Variants in LRMDA observed in about 807,000 individuals in gnomAD.
LRMDA encodes the protein leucine-rich melanocyte differentiation-associated protein.
Under a neutral mutation model 29.8 loss-of-function variants are expected in LRMDA, and 18 were observed. The ratio of observed to expected loss-of-function variants is 0.60; its 90% CI spans 0.42 to 0.90. The LOEUF (loss-of-function observed/expected upper bound fraction) is 0.90, where lower values mean the gene tolerates loss of function less well. Among genes scored for constraint, LRMDA ranks in the 40% least tolerant of loss-of-function variants. The probability of loss-of-function intolerance (pLI) is 0.00; values close to 1 mark genes in which losing one functional copy is unlikely to be tolerated. For synonymous variants in LRMDA, 125 were observed against 109.4 expected (o/e 1.14, Z -0.89); for missense variants, 273 against 273.9 (o/e 1.00, Z 0.02).
At chr10:76,433,512 GT>G (rs1166502600) in intron 6 of LRMDA, among the ~76,000 whole-genome samples, 1 of 152,196 alleles carries the variant, frequency 6.6e-6, no homozygotes, top group Non-Finnish European at 1.5e-5. Flanking sequence ...CTGTCCTGGG[GT>G]CCAGCTACAG....
chr10:75,542,837 G>A (rs1840034281), intron 2 of LRMDA, among the ~76,000 whole-genome samples: 1 of 152,142 alleles, frequency 6.6e-6, no homozygotes, highest in Non-Finnish European at 1.5e-5. Flanking sequence ...TTGATCCAAC[G>A]TGGCCCCATT....
At chr10:75,603,224 G>A (rs149042282) in intron 2 of LRMDA, among the ~76,000 whole-genome samples, 168 of 151,556 alleles carry the variant, frequency 1.1e-3, no homozygotes, top group African/African-American at 4.0e-3. Context: ...TGGATTTCGG[G>A]TGAAGAAGGA....
chr10:75,957,165 C>A (rs1460250250), intron 2 of LRMDA, among the ~76,000 whole-genome samples: 1 of 152,104 alleles, frequency 6.6e-6, no homozygotes, highest in Non-Finnish European at 1.5e-5. Flanking sequence ...TATTTGGGGC[C>A]CTTCTTTCTT....
intron 2 of LRMDA, among the ~76,000 whole-genome samples, chr10:75,533,036 C>T (rs534330210): frequency 6.6e-6 from 1 of 152,026 alleles, no homozygotes; most frequent in East Asian, 1.9e-4. Context: ...TGGAGTATGC[C>T]TTATTACTCA....
intron 5 of LRMDA, among the ~76,000 whole-genome samples, chr10:76,179,553 G>A (rs1354359445): frequency 1.3e-5 from 2 of 152,194 alleles, no homozygotes; most frequent in Non-Finnish European, 1.5e-5. Context: ...ACCCAGGACT[G>A]TCTTGTCGGT....
chr10:75,457,839 A>C (rs1844538261), intron 2 of LRMDA, among the ~76,000 whole-genome samples: 1 of 152,182 alleles, frequency 6.6e-6, no homozygotes, highest in Non-Finnish European at 1.5e-5. Context: ...ATGCAAATGC[A>C]CTTTAAATCA....
chr10:76,127,973 A>C (rs139348566), intron 5 of LRMDA, among the ~76,000 whole-genome samples: 192 of 152,328 alleles, frequency 1.3e-3, no homozygotes, highest in African/African-American at 4.6e-3. Flanking sequence ...AAAAAACAAC[A>C]ACAACAAACT....
At chr10:75,532,758 G>A (rs892463344) in intron 2 of LRMDA, among the ~76,000 whole-genome samples, 2 of 152,074 alleles carry the variant, frequency 1.3e-5, no homozygotes, top group Admixed American at 6.6e-5. Context: ...TAGAAATGTC[G>A]ATTCCCTGAC....
chr10:75,686,470 C>T (rs1564539743), intron 2 of LRMDA, among the ~76,000 whole-genome samples: 1 of 152,200 alleles, frequency 6.6e-6, no homozygotes, highest in Non-Finnish European at 1.5e-5. Flanking sequence ...TGGCTGTCTT[C>T]CCAACCAGAC....
At chr10:76,128,763 G>A (rs985610062) in intron 5 of LRMDA, among the ~76,000 whole-genome samples, 1 of 152,134 alleles carries the variant, frequency 6.6e-6, no homozygotes, top group Admixed American at 6.5e-5. Flanking sequence ...GGACCTTTTT[G>A]GTTGACACAA....
At chr10:76,445,817 A>G (rs927041789) in intron 6 of LRMDA, among the ~76,000 whole-genome samples, 1 of 152,224 alleles carries the variant, frequency 6.6e-6, no homozygotes, top group African/African-American at 2.4e-5. Flanking sequence ...TTTTCATTAA[A>G]CATTTTTAAA....
intron 6 of LRMDA, among the ~76,000 whole-genome samples, chr10:76,385,699 T>G (rs1486238658): frequency 6.6e-6 from 1 of 152,206 alleles, no homozygotes; most frequent in Non-Finnish European, 1.5e-5. Flanking sequence ...CTCCTTCATA[T>G]CCCACCTTAT....
Position 75,688,631 on chromosome 10 carries a change from G to C in LRMDA, c.131+250137G>C, listed in dbSNP as rs368137823. ...AAACTTAGTTGAAAAAGCAGAAGCA[G>C]GGTTTGGGAGGATTGCCTCCAATTC... On this transcript the variant is annotated intron_variant, in intron 2 of 6. Transcript: ENST00000611255. 1.8e-3 allele frequency among the ~76,000 whole-genome samples: 277 copies of C among 152,372 alleles called. 1 individual carries two copies. The highest frequency in any genetic ancestry group is 6.2e-3 in the African/African-American group (258 of 41,588).
In LRMDA at chr10:75,524,352, A is replaced by G. The variant is rs565968853; in HGVS notation, c.131+85858A>G. ...AATCTGTTCTCTGCCTACTTGTGTG[A>G]TCTTGGGCAAGATTTTTAACTTCTC... is the stretch of plus-strand genomic sequence containing the variant. On this transcript the variant is annotated intron_variant, in intron 2 of 6. Coordinates refer to ENST00000611255, the MANE Select transcript of LRMDA (RefSeq NM_001305581.2). 2.6e-5 allele frequency among the ~76,000 whole-genome samples: 4 copies of G among 152,198 alleles called. No individual in the cohort carries two copies. In the East Asian group the frequency reaches 7.7e-4, roughly 29 times the overall value.
intron 2 of LRMDA, chr10:75,642,820 C>T (rs1021606089): frequency 6.6e-6 from 1 of 152,236 alleles, no homozygotes; most frequent in African/African-American, 2.4e-5. Context: ...ATGGCCTTTG[C>T]TCCCTCAGGC....
At chr10:76,388,687 C>T (rs1442419164) in intron 6 of LRMDA, among the ~76,000 whole-genome samples, 1 of 152,174 alleles carries the variant, frequency 6.6e-6, no homozygotes, top group Non-Finnish European at 1.5e-5. Context: ...ACGGATACCA[C>T]CTTCTGGTGG....
intron 6 of LRMDA, chr10:76,403,249 T>A (rs143502131): frequency 6.6e-6 from 1 of 151,846 alleles, no homozygotes; most frequent in Non-Finnish European, 1.5e-5. Context: ...GGCATGTGGA[T>A]AGACCCTGTA....
chr10:75,988,861 G>T (rs912803063), intron 2 of LRMDA, among the ~76,000 whole-genome samples: 2 of 152,110 alleles, frequency 1.3e-5, no homozygotes, highest in Non-Finnish European at 2.9e-5. Context: ...GGACCTATTG[G>T]ATGTCTTTTT....
At chr10:76,322,399 A>G (rs923256037) in intron 5 of LRMDA, among the ~76,000 whole-genome samples, 9 of 152,228 alleles carry the variant, frequency 5.9e-5, no homozygotes, top group Admixed American at 5.9e-4. Flanking sequence ...CATAGTTTGC[A>G]AAATCATTCT....
Sources: gnomAD v4.1 joint callset for allele counts (sites outside exome capture counted in the v4.1 genomes callset) on GRCh38, gnomAD v4.1.1 for gene constraint, MANE v1.5 for transcripts, NCBI Gene and HGNC (gene_info 2026-07-23, HGNC 2026-07-21) for gene names.